Variants in KCTD16 observed in about 807,000 individuals in gnomAD.
The protein encoded by KCTD16 is potassium channel tetramerization domain containing 16, also known as BTB/POZ domain-containing protein KCTD16.
A neutral mutation model predicts 33.2 loss-of-function variants in KCTD16; 13 were observed. The ratio of observed to expected loss-of-function variants is 0.39; its 90% confidence interval spans 0.25 to 0.62. KCTD16 has a LOEUF of 0.62. Ranked by LOEUF, KCTD16 falls within the 20% of genes least tolerant of loss-of-function variation. The pLI is 0.50. For synonymous variants in KCTD16, 197 were observed against 195.3 expected (o/e 1.01, Z -0.07); for missense variants, 441 against 525.1 (o/e 0.84, Z 1.57).
At chr5:144,375,232 T>C (rs1752063549) in intron 3 of KCTD16, among the ~76,000 whole-genome samples, 1 of 152,180 alleles carries the variant, frequency 6.6e-6, no homozygotes. Flanking sequence ...AGCAAACTGG[T>C]TGGAATAGCT....
Position 144,479,757 on chromosome 5 carries a change from C to T in KCTD16, c.*5643C>T, listed in dbSNP as rs1167524843. On this transcript the variant is annotated 3_prime_UTR_variant, in exon 4 of 4. Coordinates refer to ENST00000512467, the MANE Select transcript of KCTD16 (RefSeq NM_020768.4). ...TCTTGCTTGTGAACAAATTTTGTTG[C>T]CAATTAGGTAAAAAATGTTAAGTTC... 1.3e-5 allele frequency: 2 copies of T among 151,788 alleles called. No individual in the cohort carries two copies. The highest frequency in any genetic ancestry group is 4.8e-5 in the African/African-American group (2 of 41,376). The allele number at this position is 151,788 out of a possible 1,614,324, so 9.4% of individuals were successfully genotyped here.
intron 3 of KCTD16, among the ~76,000 whole-genome samples, chr5:144,380,291 A>G (rs575988231): frequency 6.6e-6 from 1 of 152,306 alleles, no homozygotes; most frequent in Admixed American, 6.5e-5. Flanking sequence ...CAAGGAGGTA[A>G]ATGATATTTA....
intron 2 of KCTD16, among the ~76,000 whole-genome samples, chr5:144,184,452 G>T (rs1371342959): frequency 5.9e-5 from 9 of 152,196 alleles, no homozygotes; most frequent in African/African-American, 2.2e-4. Flanking sequence ...TAGCTCTTAG[G>T]AATAATGCTC....
At chr5:144,256,759 CA>C (rs1228534433) in intron 3 of KCTD16, among the ~76,000 whole-genome samples, 4 of 147,942 alleles carry the variant, frequency 2.7e-5, no homozygotes, top group Non-Finnish European at 5.9e-5. Context: ...AGCCATTCAT[CA>C]TGTTGCTAAA....
intron 3 of KCTD16, among the ~76,000 whole-genome samples, chr5:144,380,327 A>G (rs1280171094): frequency 6.6e-6 from 1 of 152,170 alleles, no homozygotes; most frequent in Non-Finnish European, 1.5e-5. Context: ...AACACCACTG[A>G]AAAAAACCAG....
intron 3 of KCTD16, among the ~76,000 whole-genome samples, chr5:144,286,834 C>G (rs1431667757): frequency 6.6e-6 from 1 of 152,108 alleles, no homozygotes; most frequent in Non-Finnish European, 1.5e-5. Context: ...AATCTATCTT[C>G]TATGATAATT....
At chr5:144,195,505 T>A (rs1752923887) in intron 2 of KCTD16, among the ~76,000 whole-genome samples, 1 of 152,178 alleles carries the variant, frequency 6.6e-6, no homozygotes, top group African/African-American at 2.4e-5. Flanking sequence ...AGCTTCAGTG[T>A]TCACTGGCAC....
At chr5:144,262,485 C>G (rs955695403) in intron 3 of KCTD16, among the ~76,000 whole-genome samples, 3 of 152,204 alleles carry the variant, frequency 2.0e-5, no homozygotes, top group African/African-American at 7.2e-5. Flanking sequence ...GAAGAATATT[C>G]TTGCTCTGCA....
At chr5:144,209,868 ATG>A (rs1311628754) in intron 3 of KCTD16, among the ~76,000 whole-genome samples, 2 of 145,816 alleles carry the variant, frequency 1.4e-5, no homozygotes, top group African/African-American at 2.5e-5. Flanking sequence ...ACACATATAT[ATG>A]TGTGTATGTA....
intron 3 of KCTD16, among the ~76,000 whole-genome samples, chr5:144,460,401 A>G (rs528727947): frequency 1.3e-5 from 2 of 152,084 alleles, no homozygotes; most frequent in Admixed American, 6.5e-5. Context: ...TCCACCATAT[A>G]TTCTGTTTTA....
chr5:144,413,713 C>T (rs1752983487), intron 3 of KCTD16, among the ~76,000 whole-genome samples: 1 of 152,170 alleles, frequency 6.6e-6, no homozygotes, highest in South Asian at 2.1e-4. Context: ...ATCATATCTC[C>T]GTGGTCAGGA....
In KCTD16 at chr5:144,281,406, A is replaced by T. The variant is rs566651971; in HGVS notation, c.832+73860A>T. ...ATATGTTATCTGTTCATTTTCATTC[A>T]ATTCAGAATATTTTCTACCTTTCTT... On this transcript the variant is annotated intron_variant, in intron 3 of 3. Coordinates refer to ENST00000512467, the MANE Select transcript of KCTD16 (RefSeq NM_020768.4). 1.1e-4 allele frequency among the ~76,000 whole-genome samples: 17 copies of T among 152,286 alleles called. No homozygotes were observed. In the East Asian group the frequency reaches 3.3e-3, roughly 29 times the overall value.
chr5:144,268,919 CT>C (rs1426014650), intron 3 of KCTD16, among the ~76,000 whole-genome samples: 4 of 151,992 alleles, frequency 2.6e-5, no homozygotes, highest in African/African-American at 9.7e-5. Context: ...GAAAGAAATT[CT>C]GGAGCTAAAA....
chr5:144,189,143 G>A (rs1020305739), intron 2 of KCTD16, among the ~76,000 whole-genome samples: 1 of 152,128 alleles, frequency 6.6e-6, no homozygotes, highest in African/African-American at 2.4e-5. Context: ...AGTATTTAAC[G>A]CACAGCTCTT....
chr5:144,403,224 C>T (rs1561595093), intron 3 of KCTD16, among the ~76,000 whole-genome samples: 1 of 152,032 alleles, frequency 6.6e-6, no homozygotes, highest in Admixed American at 6.6e-5. Context: ...ATTGTGTCTG[C>T]CAAAAAGATA....
intron 3 of KCTD16, among the ~76,000 whole-genome samples, chr5:144,254,188 C>T (rs886871861): frequency 3.3e-5 from 5 of 151,590 alleles, no homozygotes; most frequent in Non-Finnish European, 5.9e-5. Flanking sequence ...CCCAGGCTGT[C>T]GTGCAGTGGC....
At chr5:144,404,442 G>A (rs1389979229) in intron 3 of KCTD16, among the ~76,000 whole-genome samples, 1 of 152,058 alleles carries the variant, frequency 6.6e-6, no homozygotes, top group South Asian at 2.1e-4. Flanking sequence ...CTGTTAATTT[G>A]AGAAAGATGT....
chr5:144,428,054 C>T (rs925383899), intron 3 of KCTD16, among the ~76,000 whole-genome samples: 1 of 152,120 alleles, frequency 6.6e-6, no homozygotes, highest in Non-Finnish European at 1.5e-5. Context: ...TGACTTGTGG[C>T]CACAGAGAGG....
intron 3 of KCTD16, among the ~76,000 whole-genome samples, chr5:144,444,486 G>A (rs901775865): frequency 6.6e-6 from 1 of 151,984 alleles, no homozygotes; most frequent in African/African-American, 2.4e-5. Flanking sequence ...TCATCAAATT[G>A]TATATGTTAA....
Sources: allele counts gnomAD v4.1 joint callset (sites outside exome capture counted in the v4.1 genomes callset), GRCh38; gene constraint gnomAD v4.1.1; transcripts MANE v1.5; gene names NCBI Gene and HGNC (gene_info 2026-07-23, HGNC 2026-07-21).